PCDHGA4: variants seen among roughly 807,000 people sequenced by gnomAD.
The protein encoded by PCDHGA4 is protocadherin gamma-A4.
A neutral mutation model predicts 54.6 loss-of-function variants in PCDHGA4; 38 were observed. The observed-to-expected ratio is 0.70, with a 90% CI of 0.54 to 0.91. The LOEUF (loss-of-function observed/expected upper bound fraction) is 0.91. Among genes scored for constraint, PCDHGA4 ranks in the 40% least tolerant of loss-of-function variants. The pLI, the probability that PCDHGA4 is intolerant of heterozygous loss-of-function variation, is 0.00. For missense variants in PCDHGA4, 1,298 were observed against 1,220.9 expected (o/e 1.06, Z -0.94); for synonymous variants, 511 against 512.9 (o/e 1.00, Z 0.05).
chr5:141,395,290 T>G, intron 1 of PCDHGA4: 1 of 1,529,838 alleles, frequency 6.5e-7, no homozygotes, highest in Non-Finnish European at 8.8e-7. Context: ...TTATTTGGCA[T>G]AAATTATGTT....
At chr5:141,404,769 A>G in intron 1 of PCDHGA4, 2 of 1,611,124 alleles carry the variant, frequency 1.2e-6, no homozygotes, top group Non-Finnish European at 1.7e-6. Flanking sequence ...TGGCTCTCCT[A>G]CCGCCTATTC....
intron 1 of PCDHGA4, among the ~76,000 whole-genome samples, chr5:141,437,741 C>CTTT (rs35124340): frequency 4.2e-5 from 6 of 141,750 alleles, no homozygotes; most frequent in Admixed American, 7.0e-5. Flanking sequence ...TTGAGTTCAC[C>CTTT]TTTTTTTTTT....
chr5:141,476,412 G>T lies in PCDHGA4; in HGVS notation c.2515-18395G>T. The T allele has an allele frequency of 1.2e-6, 2 of 1,614,140 alleles. No homozygotes were observed. Among genetic ancestry groups the T allele is most frequent in the Non-Finnish European group, 1.7e-6 (2 of 1,180,010 alleles). On this transcript the variant is annotated intron_variant, in intron 1 of 3. Coordinates refer to ENST00000571252, the MANE Select transcript of PCDHGA4 (RefSeq NM_018917.4). The surrounding 1 kb of genome is among the most constrained non-coding windows in gnomAD (Gnocchi z 7.6). ...CGTCTGGATCGAGAGGAGCTGTGTGGGACACTGCCCTCTTGCACTGTAACT... is the reference window on the plus strand; with the variant it reads ...CGTCTGGATCGAGAGGAGCTGTGTGTGACACTGCCCTCTTGCACTGTAACT...
At chr5:141,410,182 T>G in intron 1 of PCDHGA4, 1 of 1,613,868 alleles carries the variant, frequency 6.2e-7, no homozygotes, top group Non-Finnish European at 8.5e-7. Flanking sequence ...CCGCCACGCT[T>G]CATCTGGTCT....
intron 1 of PCDHGA4, chr5:141,423,709 C>G (rs2096768343): frequency 8.7e-7 from 1 of 1,147,590 alleles, no homozygotes; most frequent in African/African-American, 1.9e-5. Context: ...TGGCACAAGT[C>G]TTTTAAGGAG....
chr5:141,374,456 G>A, intron 1 of PCDHGA4: 2 of 1,613,432 alleles, frequency 1.2e-6, no homozygotes, highest in Non-Finnish European at 1.7e-6. Context: ...GGAAATAGTG[G>A]ACATTAATGA....
At chr5:141,374,378 A>ACCCCCC (rs1425489237) in intron 1 of PCDHGA4, 1 of 1,614,038 alleles carries the variant, frequency 6.2e-7, no homozygotes, top group Admixed American at 1.7e-5. Context: ...CTGTGCTCAG[A>ACCCCCC]GCCCGCGGTG....
At chr5:141,381,294 A>C (rs1777116349) in intron 1 of PCDHGA4, among the ~76,000 whole-genome samples, 1 of 152,236 alleles carries the variant, frequency 6.6e-6, no homozygotes, top group African/African-American at 2.4e-5. Flanking sequence ...TTTATTCCAG[A>C]GCAGGTCATT....
chr5:141,374,977 T>C, intron 1 of PCDHGA4: 2 of 1,614,020 alleles, frequency 1.2e-6, no homozygotes, highest in Non-Finnish European at 1.7e-6. Flanking sequence ...ATGTTTTGAC[T>C]GGAGAAATTT....
chr5:141,494,898 T>C, intron 2 of PCDHGA4, 33 bp downstream of exon 2: 1 of 1,614,074 alleles, frequency 6.2e-7, no homozygotes, highest in Non-Finnish European at 8.5e-7. Flanking sequence ...CACCCTCTTC[T>C]CTGCGGCATT....
intron 1 of PCDHGA4, chr5:141,395,503 G>A (rs1428846111): frequency 2.2e-6 from 1 of 457,378 alleles, no homozygotes; most frequent in Non-Finnish European, 3.8e-6. Flanking sequence ...ATTCACTTAA[G>A]AAGTAGCTAC....
At position 141,357,391 on chromosome 5, in the gene PCDHGA4, A is replaced by G. The variant is rs751497750; in HGVS notation, c.2284A>G (p.Arg762Gly). The change falls in exon 1 of 4, where the codon AGG becomes GGG. Residue 762 changes from arginine (R) to glycine (G), a missense_variant. Physicochemically the swap from Arg to Gly is moderately radical, Grantham distance 125 (BLOSUM62 -2). Coordinates refer to ENST00000571252, the MANE Select transcript of PCDHGA4 (RefSeq NM_018917.4). ...ACGCCTGCTTCACGCTGAAGGCAGC[A>G]GGTTGGCAGGTGTGCCTGCCTCGCA... ...KSRLLHAEGSRLAGVPASHFV... is the reference protein window; with the variant it reads ...KSRLLHAEGSGLAGVPASHFV... The G allele has an allele frequency of 1.2e-6, 2 of 1,614,230 alleles. No individual in the cohort carries two copies. Among genetic ancestry groups the G allele is most frequent in the South Asian group, 1.1e-5 (1 of 91,088 alleles).
In PCDHGA4 at chr5:141,415,757, T is replaced by G. The variant is rs765276447; in HGVS notation, c.2514+58136T>G. The G allele has an allele frequency of 5.6e-3, 7,497 of 1,346,942 alleles. 12 individuals are homozygous for G. The highest frequency in any genetic ancestry group is 0.012 in the East Asian group (422 of 35,004). The allele number at this position is 1,346,942 out of a possible 1,614,324, so 83.4% of individuals were successfully genotyped here. A position where few individuals can be genotyped will look rare whatever the true frequency, so the allele number is the denominator to read the frequency against. ...TTATTAAGGTTTTTTTTTTTTTTTT[T>G]TTTTTTTTTTTTTTTACTTTCTGGT... On this transcript the variant is annotated intron_variant, in intron 1 of 3. Coordinates refer to ENST00000571252, the MANE Select transcript of PCDHGA4 (RefSeq NM_018917.4).
At position 141,431,636 on chromosome 5, in the gene PCDHGA4, A is replaced by C; in HGVS notation, c.2515-63171A>C. 1 of 1,614,254 alleles carries C rather than the reference A, an allele frequency of 6.2e-7. No individual in the cohort carries two copies. On this transcript the variant is annotated intron_variant, in intron 1 of 3. Transcript: ENST00000571252. This position sits in a 1 kb window ranked among gnomAD's most constrained non-coding sequence, Gnocchi z 4.8. ...GGACGACAAGGCGGCCCAAGTTTTC[A>C]AACTAGATTGTAATTCAGGGACAAT... is the stretch of plus-strand genomic sequence containing the variant.
chr5:141,418,282 A>C, intron 1 of PCDHGA4: 1 of 1,614,030 alleles, frequency 6.2e-7, no homozygotes, highest in Non-Finnish European at 8.5e-7. Flanking sequence ...TAAACTTAGA[A>C]ATCAGTGAAT....
intron 1 of PCDHGA4, chr5:141,430,554 A>G (rs372392559): frequency 3.2e-5 from 13 of 411,906 alleles, no homozygotes; most frequent in Admixed American, 4.0e-5. Context: ...CTGTTCACCA[A>G]TCGGGGAGAG....
intron 1 of PCDHGA4, chr5:141,398,210 C>T (rs755562930): frequency 1.3e-6 from 2 of 1,483,862 alleles, no homozygotes; most frequent in South Asian, 1.3e-5. Flanking sequence ...TTCTGCCCGG[C>T]GCTCTGTGAG....
At chr5:141,375,882 A>G in intron 1 of PCDHGA4, 1 of 1,613,814 alleles carries the variant, frequency 6.2e-7, no homozygotes, top group Non-Finnish European at 8.5e-7. Flanking sequence ...GACTCGGGCC[A>G]GAACGCCTGG....
At chr5:141,359,896 A>G in intron 1 of PCDHGA4, 1 of 397,074 alleles carries the variant, frequency 2.5e-6, no homozygotes, top group Non-Finnish European at 4.4e-6. Flanking sequence ...GCAAATATTG[A>G]CAAGCCATTA....
Sources: gnomAD v4.1 joint callset for allele counts (sites outside exome capture counted in the v4.1 genomes callset) on GRCh38, gnomAD v4.1.1 for gene constraint, Gnocchi (gnomAD v3.1) non-coding constraint, MANE v1.5 for transcripts, NCBI Gene and HGNC (gene_info 2026-07-23, HGNC 2026-07-21) for gene names.